Variants in PCDHGA4 observed in about 807,000 individuals in gnomAD.
PCDHGA4 encodes the protein protocadherin gamma-A4.
A neutral mutation model predicts 54.6 loss-of-function variants in PCDHGA4; 38 were observed. The ratio of observed to expected loss-of-function variants is 0.70; its 90% CI spans 0.54 to 0.91. The LOEUF (loss-of-function observed/expected upper bound fraction) is 0.91. Among genes scored for constraint, PCDHGA4 ranks in the 40% least tolerant of loss-of-function variants. The probability of loss-of-function intolerance (pLI) is 0.00; values close to 1 mark genes in which losing one functional copy is unlikely to be tolerated. For synonymous variants in PCDHGA4, 511 were observed against 512.9 expected (o/e 1.00, Z 0.05); for missense variants, 1,298 against 1,220.9 (o/e 1.06, Z -0.94).
chr5:141,414,789 C>T, intron 1 of PCDHGA4: 1 of 1,614,218 alleles, frequency 6.2e-7, no homozygotes, highest in East Asian at 2.2e-5. Context: ...AGGTGACAGC[C>T]AGCGACAGCG....
At chr5:141,383,700 C>G in intron 1 of PCDHGA4, 1 of 1,613,936 alleles carries the variant, frequency 6.2e-7, no homozygotes, top group South Asian at 1.1e-5. Flanking sequence ...TACATGCTAT[C>G]GACCTGGACG....
intron 1 of PCDHGA4, chr5:141,365,005 C>T (rs1329280545): frequency 1.2e-6 from 2 of 1,613,788 alleles, no homozygotes; most frequent in South Asian, 1.1e-5. Flanking sequence ...TCTCCGGCAC[C>T]ACGCACATCC....
rs745488065 is a variant in PCDHGA4 at position 141,356,782 on chromosome 5, C to A, written c.1675C>A (p.Leu559Met). The A allele has an allele frequency of 6.7e-5, 108 of 1,613,860 alleles. No homozygotes were observed. The highest frequency in any genetic ancestry group is 1.7e-5 in the Non-Finnish European group (20 of 1,179,858). ...CTTCGACTATGAGCAGTTTAGAGACCTGCAGCTGCTGATGACAGCCAGTGA... is the reference window on the plus strand; with the variant it reads ...CTTCGACTATGAGCAGTTTAGAGACATGCAGCTGCTGATGACAGCCAGTGA... Reference protein sequence around the residue: ...CSFDYEQFRDLQLLMTASDSG... With the variant: ...CSFDYEQFRDMQLLMTASDSG... The change falls in exon 1 of 4, where the codon CTG becomes ATG. Residue 559 changes from leucine to methionine, a missense_variant. Coordinates refer to ENST00000571252, the MANE Select transcript of PCDHGA4 (RefSeq NM_018917.4).
chr5:141,385,067 G>A (rs963028251), intron 1 of PCDHGA4: 3 of 1,614,158 alleles, frequency 1.9e-6, no homozygotes, highest in Non-Finnish European at 2.5e-6. Flanking sequence ...CACAAGTCAC[G>A]CCTGCTGCAG....
chr5:141,457,118 A>G (rs1427146922), intron 1 of PCDHGA4, among the ~76,000 whole-genome samples: 3 of 152,228 alleles, frequency 2.0e-5, no homozygotes, highest in Non-Finnish European at 4.4e-5. Context: ...TACGACAGCA[A>G]TGGAAACTCT....
intron 1 of PCDHGA4, chr5:141,374,302 GC>G: frequency 6.2e-7 from 1 of 1,613,984 alleles, no homozygotes; most frequent in Non-Finnish European, 8.5e-7. Flanking sequence ...GTAGGATGCA[GC>G]TTTTCTCTCT....
At chr5:141,390,565 G>A in intron 1 of PCDHGA4, 2 of 420,818 alleles carry the variant, frequency 4.8e-6, no homozygotes, top group Non-Finnish European at 8.5e-6. Context: ...ACAGTTGTTG[G>A]CTCTCTCCTA....
intron 1 of PCDHGA4, chr5:141,384,825 C>G (rs570988671): frequency 6.2e-7 from 1 of 1,613,356 alleles, no homozygotes; most frequent in Non-Finnish European, 8.5e-7. Context: ...AGCAGAGCCT[C>G]GTGGTGGCCG....
At chr5:141,415,274 C>T (rs775112066) in intron 1 of PCDHGA4, 19 of 1,614,086 alleles carry the variant, frequency 1.2e-5, no homozygotes, top group Admixed American at 1.0e-4. Context: ...CTGGTGGTAG[C>T]GGTGGCCGCG....
chr5:141,372,962 A>T, intron 1 of PCDHGA4: 2 of 706,258 alleles, frequency 2.8e-6, no homozygotes, highest in Non-Finnish European at 4.5e-6. Context: ...TCTTTGTAGA[A>T]TTTCCTGTAG....
chr5:141,420,857 C>T (rs1342820721), intron 1 of PCDHGA4, among the ~76,000 whole-genome samples: 1 of 152,220 alleles, frequency 6.6e-6, no homozygotes, highest in Non-Finnish European at 1.5e-5. Context: ...AAAGTTTTAA[C>T]GTCACATAAT....
chr5:141,401,109 C>G (rs1389316272), intron 1 of PCDHGA4, among the ~76,000 whole-genome samples: 2 of 152,012 alleles, frequency 1.3e-5, no homozygotes, highest in African/African-American at 2.4e-5. Flanking sequence ...TTTGGGAGGC[C>G]GAGGCGGTTG....
intron 1 of PCDHGA4, chr5:141,390,321 C>G: frequency 6.2e-7 from 1 of 1,607,082 alleles, no homozygotes; most frequent in Non-Finnish European, 8.5e-7. Flanking sequence ...TCATTGCCTA[C>G]CCATTTCTCC....
rs189836587 is a variant in PCDHGA4, at chr5:141,376,293, G to A, written c.2514+18672G>A. 14 of 1,614,094 alleles carry A rather than the reference G, an allele frequency of 8.7e-6. No homozygotes were observed. In the Admixed American group the frequency reaches 2.0e-4, roughly 23 times the overall value. On this transcript the variant is annotated intron_variant, in intron 1 of 3. Coordinates refer to ENST00000571252, the MANE Select transcript of PCDHGA4 (RefSeq NM_018917.4). ...GGAGGTGGCTTAGCGAGCATGCCCG[G>A]CTCGCACTTTGTGGGCGTGGAAGGG... is the stretch of plus-strand genomic sequence containing the variant.
chr5:141,362,313 T>C, intron 1 of PCDHGA4: 1 of 1,614,046 alleles, frequency 6.2e-7, no homozygotes, highest in Non-Finnish European at 8.5e-7. Flanking sequence ...CTTGGGACTG[T>C]TTTCAGCCTG....
In PCDHGA4 at chr5:141,476,401, G is replaced by A. The variant is rs772438777; in HGVS notation, c.2515-18406G>A. The A allele has an allele frequency of 1.9e-6, 3 of 1,614,054 alleles. No individual in the cohort carries two copies. Among genetic ancestry groups the A allele is most frequent in the African/African-American group, 2.7e-5 (2 of 74,926 alleles). On this transcript the variant is annotated intron_variant, in intron 1 of 3. Coordinates refer to ENST00000571252, the MANE Select transcript of PCDHGA4 (RefSeq NM_018917.4). This position sits in a 1 kb window ranked among gnomAD's most constrained non-coding sequence, Gnocchi z 7.6. ...TTGTGAACGACCGTCTGGATCGAGA[G>A]GAGCTGTGTGGGACACTGCCCTCTT...
At chr5:141,362,700 T>G in intron 1 of PCDHGA4, 6 of 1,033,758 alleles carry the variant, frequency 5.8e-6, no homozygotes, top group Non-Finnish European at 8.2e-6. Context: ...CTAACTGAAT[T>G]TTAAGTGTTT....
chr5:141,491,327 T>C lies in PCDHGA4; in HGVS notation c.2515-3480T>C, dbSNP rs1422115943. ...TCAGACCTTACCCTTTACCTCATTG[T>C]GGCTCTAGCGACCGTCAGTCTCTTA... is the stretch of plus-strand genomic sequence containing the variant. On this transcript the variant is annotated intron_variant, in intron 1 of 3. Coordinates refer to ENST00000571252, the MANE Select transcript of PCDHGA4 (RefSeq NM_018917.4). This position sits in a 1 kb window ranked among gnomAD's most constrained non-coding sequence, Gnocchi z 6.9. 5.6e-6 allele frequency: 9 copies of C among 1,614,098 alleles called. No homozygotes were observed. Among genetic ancestry groups the C allele is most frequent in the Admixed American group, 3.3e-5 (2 of 60,006 alleles).
Position 141,432,794 on chromosome 5 carries a change from G to C in PCDHGA4, c.2515-62013G>C. 3 of 1,614,138 alleles carry C rather than the reference G, an allele frequency of 1.9e-6. No homozygotes were observed. The highest frequency in any genetic ancestry group is 1.7e-5 in the Admixed American group (1 of 60,026). ...AGTCCTGGCGGACCTCGGCAGCCTC[G>C]AGTCTCCAGCTAACTCTGAAACCTC... On this transcript the variant is annotated intron_variant, in intron 1 of 3. Coordinates refer to ENST00000571252, the MANE Select transcript of PCDHGA4 (RefSeq NM_018917.4). The surrounding 1 kb of genome is among the most constrained non-coding windows in gnomAD (Gnocchi z 6.0).
Sources: allele counts gnomAD v4.1 joint callset (sites outside exome capture counted in the v4.1 genomes callset), GRCh38; gene constraint gnomAD v4.1.1; non-coding constraint Gnocchi (gnomAD v3.1); transcripts MANE v1.5; gene names NCBI Gene and HGNC (gene_info 2026-07-23, HGNC 2026-07-21).